The following PRKCH variants were observed in gnomAD, a reference collection of about 807,000 sequenced individuals.
The protein encoded by PRKCH is protein kinase C eta.
In PRKCH, 28 loss-of-function variants were observed where a neutral mutation model predicts 82.5. The observed-to-expected ratio is 0.34, with a 90% CI of 0.25 to 0.47. The LOEUF is 0.47. Among genes scored for constraint, PRKCH ranks in the 20% least tolerant of loss-of-function variants. The pLI is 1.00. For synonymous variants in PRKCH, 322 were observed against 327.4 expected (o/e 0.98, Z 0.18); for missense variants, 705 against 881.8 (o/e 0.80, Z 2.54).
chr14:61,358,503 T>G (rs137894126), intron 1 of PRKCH, among the ~76,000 whole-genome samples: 26 of 152,302 alleles, frequency 1.7e-4, no homozygotes, highest in Non-Finnish European at 3.2e-4. Context: ...TTGATTCCCA[T>G]TACCACTACC....
intron 1 of PRKCH, among the ~76,000 whole-genome samples, chr14:61,270,817 T>A (rs1441849065): frequency 6.6e-6 from 1 of 152,002 alleles, no homozygotes; most frequent in Admixed American, 6.5e-5. Flanking sequence ...TACAAAAAAA[T>A]TTAAAAATTA....
intron 1 of PRKCH, chr14:61,327,123 CGAA>C: frequency 2.2e-6 from 1 of 455,996 alleles, no homozygotes; most frequent in Non-Finnish European, 4.4e-6. Flanking sequence ...TCAGCCCTCC[CGAA>C]GACATTGTGT....
intron 1 of PRKCH, among the ~76,000 whole-genome samples, chr14:61,241,480 G>C (rs950120100): frequency 6.6e-6 from 1 of 152,204 alleles, no homozygotes; most frequent in Non-Finnish European, 1.5e-5. Flanking sequence ...ACTTTCCTGT[G>C]ATCATCCCCC....
At chr14:61,343,543 A>G (rs1225287639) in intron 1 of PRKCH, among the ~76,000 whole-genome samples, 1 of 152,182 alleles carries the variant, frequency 6.6e-6, no homozygotes, top group Non-Finnish European at 1.5e-5. Flanking sequence ...TAGAGAATGC[A>G]GGGCACGATG....
intron 1 of PRKCH, among the ~76,000 whole-genome samples, chr14:61,250,558 A>G (rs1237814342): frequency 6.6e-6 from 1 of 152,208 alleles, no homozygotes; most frequent in Non-Finnish European, 1.5e-5. Flanking sequence ...TGGAGACAAT[A>G]AAAAGATCAG....
intron 1 of PRKCH, among the ~76,000 whole-genome samples, chr14:61,208,422 T>G (rs1383598474): frequency 6.6e-6 from 1 of 152,236 alleles, no homozygotes; most frequent in African/African-American, 2.4e-5. Flanking sequence ...TTTGAAAGTG[T>G]GCTTAACTTT....
intron 1 of PRKCH, among the ~76,000 whole-genome samples, chr14:61,243,241 A>C (rs547596531): frequency 1.5e-5 from 2 of 130,044 alleles, no homozygotes; most frequent in South Asian, 2.8e-4. Flanking sequence ...CTACAAATAC[A>C]AAAAAAATTC....
Position 61,280,910 on chromosome 14 carries a change from C to A in PRKCH, c.-19+93242C>A, listed in dbSNP as rs1251544165. ...AGCGCCCGGCCCTGGCCAGCCGCGG[C>A]GCACACCGAGCAGTTACCGGTGCCC... On this transcript the variant is annotated intron_variant, in intron 1 of 3. Coordinates refer to the PRKCH transcript ENST00000555185. The surrounding 1 kb of genome is among the most constrained non-coding windows in gnomAD (Gnocchi z 5.0). The A allele has an allele frequency of 1.3e-6, 2 of 1,545,678 alleles. No individual in the cohort carries two copies. Among genetic ancestry groups the A allele is most frequent in the South Asian group, 1.2e-5 (1 of 84,138 alleles).
At chr14:61,453,202 A>G (rs1276484879) in intron 6 of PRKCH, 24 bp from the exon 7 acceptor site, 2 of 1,614,094 alleles carry the variant, frequency 1.2e-6, no homozygotes, top group South Asian at 1.1e-5. Flanking sequence ...CTGAACATGG[A>G]TTCTGTTTTC....
Position 61,416,053 on chromosome 14 carries a change from C to CTTTTTTTTTT in PRKCH, c.427+24777_427+24786dup, listed in dbSNP as rs71117815. On this transcript the variant is annotated intron_variant, in intron 2 of 13. Transcript: ENST00000332981. ...CCTCTTTTTTCTTTTCTTTTCTTTTCTTTTTTTTTTTTTTTTTTTTTGAGA... is the reference window on the plus strand; with the variant it reads ...CCTCTTTTTTCTTTTCTTTTCTTTTCTTTTTTTTTTTTTTTTTTTTTTTTTTTTTTTGAGA... 1.1e-4 allele frequency among the ~76,000 whole-genome samples: 10 copies of CTTTTTTTTTT among 94,180 alleles called. 1 individual carries two copies. Among genetic ancestry groups the CTTTTTTTTTT allele is most frequent in the African/African-American group, 2.1e-4 (5 of 23,590 alleles). The allele number at this position is 94,180 out of a possible 152,430, so 61.8% of individuals were successfully genotyped here.
At chr14:61,190,688 C>T (rs976366149) in intron 1 of PRKCH, among the ~76,000 whole-genome samples, 2 of 152,142 alleles carry the variant, frequency 1.3e-5, no homozygotes, top group African/African-American at 2.4e-5. Context: ...TAGGACCACT[C>T]TCCCACCTTT....
intron 13 of PRKCH, 47 bp downstream of exon 13, chr14:61,547,933 ACAG>A: frequency 6.3e-7 from 1 of 1,593,492 alleles, no homozygotes; most frequent in Non-Finnish European, 8.6e-7. Flanking sequence ...TTCAGATGTC[ACAG>A]CATTCCACCA....
intron 1 of PRKCH, chr14:61,279,269 T>G (rs143886686): frequency 2.4e-4 from 36 of 152,346 alleles, no homozygotes; most frequent in African/African-American, 8.7e-4. Context: ...TTTCCCCAGA[T>G]AGTAATTTTT....
chr14:61,210,786 C>CTGTGTGTGTGTG (rs1468572450), intron 1 of PRKCH, among the ~76,000 whole-genome samples: 1 of 104,024 alleles, frequency 9.6e-6, no homozygotes, highest in African/African-American at 3.3e-5. Context: ...CTCTCTCTCT[C>CTGTGTGTGTGTG]TCTCTGTGTG....
chr14:61,187,599 G>C (rs921504502), exon 1 of PRKCH: 7 of 152,752 alleles, frequency 4.6e-5, no homozygotes, highest in Non-Finnish European at 1.0e-4. Flanking sequence ...CCTGCCTCCT[G>C]CTGCTGCTCC....
At chr14:61,380,147 C>T (rs1355086529) in intron 1 of PRKCH, among the ~76,000 whole-genome samples, 1 of 152,120 alleles carries the variant, frequency 6.6e-6, no homozygotes, top group African/African-American at 2.4e-5. Flanking sequence ...CAGCCTTGAC[C>T]TCCCAGGCTC....
At chr14:61,357,944 G>A (rs938633748) in intron 1 of PRKCH, among the ~76,000 whole-genome samples, 2 of 152,128 alleles carry the variant, frequency 1.3e-5, no homozygotes, top group African/African-American at 4.8e-5. Flanking sequence ...GCACTGCCTG[G>A]TGACCAGATT....
intron 1 of PRKCH, among the ~76,000 whole-genome samples, chr14:61,336,057 TTATG>T (rs2045853365): frequency 6.6e-6 from 1 of 151,704 alleles, no homozygotes; most frequent in African/African-American, 2.4e-5. Context: ...CAGTGAGGAC[TTATG>T]TAAACCATCT....
chr14:61,269,348 TTTAA>T (rs138551625), intron 1 of PRKCH, among the ~76,000 whole-genome samples: 5,486 of 152,236 alleles, frequency 0.036, 332 homozygotes, highest in African/African-American at 0.12. Context: ...TCCCAGGAAT[TTTAA>T]TTAATTAATT....
Sources: allele counts gnomAD v4.1 joint callset (sites outside exome capture counted in the v4.1 genomes callset), GRCh38; gene constraint gnomAD v4.1.1; non-coding constraint Gnocchi (gnomAD v3.1); transcripts MANE v1.5; gene names NCBI Gene and HGNC (gene_info 2026-07-23, HGNC 2026-07-21).